Variants in WDR27 observed in about 807,000 individuals in gnomAD.
WDR27 encodes the protein WD repeat-containing protein 27.
WDR27 carries 100 observed loss-of-function variants against 114.4 expected under a neutral mutation model. That is an observed-to-expected ratio of 0.87 (90% CI 0.74 to 1.03). WDR27 has a LOEUF of 1.03. Ranked by LOEUF, WDR27 falls within the 50% of genes least tolerant of loss-of-function variation. The pLI is 0.00. For missense variants in WDR27, 1,129 were observed against 1,092.9 expected (o/e 1.03, Z -0.47); for synonymous variants, 449 against 423.1 (o/e 1.06, Z -0.75).
At chr6:169,592,215 G>A (rs1805877758) in intron 23 of WDR27, among the ~76,000 whole-genome samples, 2 of 152,100 alleles carry the variant, frequency 1.3e-5, no homozygotes, top group Non-Finnish European at 2.9e-5. Flanking sequence ...CAGTCTAACA[G>A]TACAGCTACA....
chr6:169,473,663 GAAAA>G (rs201430904), intron 25 of WDR27, among the ~76,000 whole-genome samples: 2 of 146,294 alleles, frequency 1.4e-5, no homozygotes, highest in Non-Finnish European at 3.0e-5. Flanking sequence ...AGGAGCTAAA[GAAAA>G]AAAAAACAGA....
rs544029611 is a variant in WDR27 at position 169,567,516 on chromosome 6, A to G, written c.2645+4903T>C. On this transcript the variant is annotated intron_variant, in intron 25 of 25. Coordinates refer to ENST00000448612, the MANE Select transcript of WDR27 (RefSeq NM_182552.5). Reference sequence around the variant, plus strand: ...CTGGGGGGCTCCCTGACGCTCCCCAACAGCAAAAGATGAGAACTTCACACA... The same window carrying G: ...CTGGGGGGCTCCCTGACGCTCCCCAGCAGCAAAAGATGAGAACTTCACACA... Among the ~76,000 whole-genome samples, 9 of 152,284 alleles carry G rather than the reference A, an allele frequency of 5.9e-5. No homozygotes were observed. The South Asian group carries it at 1.9e-3, about 32-fold the overall frequency.
chr6:169,669,549 T>C (rs1219549517), intron 4 of WDR27: 1 of 152,210 alleles, frequency 6.6e-6, no homozygotes, highest in Non-Finnish European at 1.5e-5. Context: ...GACACAACAA[T>C]GTTAATTCTT....
rs1782450307 is a variant in WDR27 at position 169,684,684 on chromosome 6, T to A, written c.189+4133A>T. On this transcript the variant is annotated intron_variant, in intron 2 of 25. Transcript: ENST00000448612. This position sits in a 1 kb window ranked among gnomAD's most constrained non-coding sequence, Gnocchi z 4.3. Reference sequence around the variant, plus strand: ...TGTGGGTTTCCCCCAGCAGATATGCTCTCAGACAAATCCAGCAGCTGTGTG... The same window carrying A: ...TGTGGGTTTCCCCCAGCAGATATGCACTCAGACAAATCCAGCAGCTGTGTG... Among the ~76,000 whole-genome samples, 1 of 152,064 alleles carries A rather than the reference T, an allele frequency of 6.6e-6. No individual in the cohort carries two copies. The highest frequency in any genetic ancestry group is 2.4e-5 in the African/African-American group (1 of 41,390).
rs949260897 is a variant in WDR27, at chr6:169,661,652, C to T, written c.1025+652G>A. ...GGGAAGCCTCAAAATGCCTCAGGTCCATGCACCCACCGGGAGCACCGTGTC... is the reference window on the plus strand; with the variant it reads ...GGGAAGCCTCAAAATGCCTCAGGTCTATGCACCCACCGGGAGCACCGTGTC... On this transcript the variant is annotated intron_variant, in intron 9 of 25. Coordinates refer to ENST00000448612, the MANE Select transcript of WDR27 (RefSeq NM_182552.5). Among the ~76,000 whole-genome samples the T allele has an allele frequency of 2.6e-4, 39 of 152,244 alleles. No homozygotes were observed. In the Middle Eastern group the frequency reaches 0.02, roughly 80 times the overall value.
chr6:169,698,036 A>G (rs1397661498), intron 1 of WDR27, among the ~76,000 whole-genome samples: 2 of 152,244 alleles, frequency 1.3e-5, no homozygotes, highest in Non-Finnish European at 2.9e-5. Flanking sequence ...AAATAACACC[A>G]TGACTCACTA....
At chr6:169,583,687 A>G (rs932098933) in intron 23 of WDR27, among the ~76,000 whole-genome samples, 2 of 152,088 alleles carry the variant, frequency 1.3e-5, no homozygotes, top group East Asian at 3.9e-4. Context: ...CTGAAAGCCT[A>G]CTAGTAATAA....
intron 17 of WDR27, among the ~76,000 whole-genome samples, chr6:169,641,032 G>C (rs187373247): frequency 5.9e-5 from 9 of 152,132 alleles, no homozygotes; most frequent in Non-Finnish European, 1.3e-4. Flanking sequence ...CCAGCACAGC[G>C]TTTGCTGCAC....
At chr6:169,645,018 A>T (rs1421354631) in intron 16 of WDR27, among the ~76,000 whole-genome samples, 18 of 63,958 alleles carry the variant, frequency 2.8e-4, no homozygotes, top group Non-Finnish European at 4.4e-4. Flanking sequence ...CAAAAAAAAA[A>T]AAAATAAAAA....
the WDR27 span, among the ~76,000 whole-genome samples, chr6:169,438,014 A>G: frequency 1.3e-5 from 2 of 152,124 alleles, no homozygotes; most frequent in African/African-American, 2.4e-5. Context: ...GGTAGTGAGC[A>G]TAGTACCCAA....
chr6:169,548,804 T>G (rs78187919), intron 25 of WDR27, among the ~76,000 whole-genome samples: 6,369 of 151,908 alleles, frequency 0.042, 362 homozygotes, highest in African/African-American at 0.13. Context: ...ATGAAGAAAA[T>G]AGTCTTTAAC....
chr6:169,664,108 C>A, intron 8 of WDR27, 58 bp downstream of exon 8: 1 of 1,465,178 alleles, frequency 6.8e-7, no homozygotes, highest in Non-Finnish European at 9.2e-7. Context: ...CTTGACATGG[C>A]GCCTGGTGAA....
Position 169,584,040 on chromosome 6 carries a change from T to C in WDR27, c.2425-1106A>G, listed in dbSNP as rs984698215. 4.1e-5 allele frequency among the ~76,000 whole-genome samples: 5 copies of C among 120,834 alleles called. 1 individual carries two copies. Among genetic ancestry groups the C allele is most frequent in the South Asian group, 5.5e-4 (2 of 3,656 alleles). The allele number at this position is 120,834 out of a possible 152,430, so 79.3% of individuals were successfully genotyped here. On this transcript the variant is annotated intron_variant, in intron 23 of 25. Coordinates refer to ENST00000448612, the MANE Select transcript of WDR27 (RefSeq NM_182552.5). The stretch of plus-strand genomic sequence containing the variant: ...CTCCATCCTCGCAGCTGCTGTTTCG[T>C]ATCCTTTGACCCACATCTCCCCCTC...
At chr6:169,575,980 C>T (rs1416578865) in intron 24 of WDR27, among the ~76,000 whole-genome samples, 2 of 152,216 alleles carry the variant, frequency 1.3e-5, no homozygotes, top group Non-Finnish European at 2.9e-5. Context: ...ATCTGCCATG[C>T]GTTCCTGAAG....
At chr6:169,692,657 G>A (rs954841927) in intron 1 of WDR27, among the ~76,000 whole-genome samples, 7 of 152,078 alleles carry the variant, frequency 4.6e-5, no homozygotes, top group African/African-American at 1.4e-4. Flanking sequence ...TTTCACTACC[G>A]GCTTTCCCCC....
At position 169,643,795 on chromosome 6, in the gene WDR27, A is replaced by G. The variant is rs367653023; in HGVS notation, c.1658-9T>C. The G allele has an allele frequency of 5.0e-5, 81 of 1,608,290 alleles. No individual in the cohort carries two copies. The African/African-American group carries it at 9.5e-4, about 19-fold the overall frequency. On this transcript the variant is annotated splice_polypyrimidine_tract_variant and intron_variant, in intron 16 of 25. Coordinates refer to ENST00000448612, the MANE Select transcript of WDR27 (RefSeq NM_182552.5). ...CAGCCACTGCCCATCTCCTGTTAAA[A>G]GAATTTTAAAAAAAGACTTCTTAGA...
In WDR27 at chr6:169,598,004, G is replaced by T. The variant is rs79412897; in HGVS notation, c.2424+4215C>A. ...AATGGCAAACTCCTTCAGAGAAAAA[G>T]TACCTACAGAATGTGAGCTGCCCCT... On this transcript the variant is annotated intron_variant, in intron 23 of 25. Transcript: ENST00000448612. Among the ~76,000 whole-genome samples, 1,140 of 149,372 alleles carry T rather than the reference G, an allele frequency of 7.6e-3. 25 individuals are homozygous for T. Among genetic ancestry groups the T allele is most frequent in the African/African-American group, 0.027 (1,104 of 40,410 alleles).
Position 169,636,866 on chromosome 6 carries a change from G to GTTA in WDR27, c.1870-365_1870-363dup, listed in dbSNP as rs577284800. 7.9e-5 allele frequency among the ~76,000 whole-genome samples: 12 copies of GTTA among 152,240 alleles called. No homozygotes were observed. In the South Asian group the frequency reaches 2.5e-3, roughly 32 times the overall value. On this transcript the variant is annotated intron_variant, in intron 18 of 25. Coordinates refer to ENST00000448612, the MANE Select transcript of WDR27 (RefSeq NM_182552.5). ...TCAAATTTAGACCTCACAACCAAAC[G>GTTA]TTATGACACAGAGCAAGCTGACGGC... is the stretch of plus-strand genomic sequence containing the variant.
chr6:169,621,412 A>G (rs1813167231), intron 21 of WDR27, among the ~76,000 whole-genome samples: 1 of 152,084 alleles, frequency 6.6e-6, no homozygotes, highest in Non-Finnish European at 1.5e-5. Context: ...ATGCCTATAC[A>G]TACACACACG....
Sources: gnomAD v4.1 joint callset for allele counts (sites outside exome capture counted in the v4.1 genomes callset) on GRCh38, gnomAD v4.1.1 for gene constraint, Gnocchi (gnomAD v3.1) non-coding constraint, MANE v1.5 for transcripts, NCBI Gene and HGNC (gene_info 2026-07-23, HGNC 2026-07-21) for gene names.